CC2D2A: variants seen among roughly 807,000 people sequenced by gnomAD.
CC2D2A encodes the protein coiled-coil and C2 domain containing 2A.
A neutral mutation model predicts 212.9 loss-of-function variants in CC2D2A; 155 were observed. The ratio of observed to expected loss-of-function variants is 0.73; its 90% CI spans 0.64 to 0.83. CC2D2A has a LOEUF of 0.83. Among genes scored for constraint, CC2D2A ranks in the 40% least tolerant of loss-of-function variants. The pLI, the probability that CC2D2A is intolerant of heterozygous loss-of-function variation, is 0.00. For synonymous variants in CC2D2A, 667 were observed against 686.5 expected (o/e 0.97, Z 0.44); for missense variants, 1,856 against 1,956.2 (o/e 0.95, Z 0.97).
intron 11 of CC2D2A, among the ~76,000 whole-genome samples, chr4:15,524,659 G>C (rs1160072283): frequency 2.6e-5 from 4 of 151,210 alleles, no homozygotes; most frequent in Non-Finnish European, 5.9e-5. Context: ...CACCGTGTTA[G>C]CCAGGATGGT....
At chr4:15,592,611 TTTC>T (rs1221674599) in intron 33 of CC2D2A, among the ~76,000 whole-genome samples, 1 of 152,228 alleles carries the variant, frequency 6.6e-6, no homozygotes, top group Admixed American at 6.5e-5. Flanking sequence ...TCTGCAGTTG[TTTC>T]TTATGTTTCT....
At chr4:15,596,350 A>G in intron 34 of CC2D2A, 143 bp downstream of exon 34, 1 of 632,232 alleles carries the variant, frequency 1.6e-6, no homozygotes, top group Non-Finnish European at 2.4e-6. Context: ...ACAACAAGAA[A>G]CAGATATATA....
chr4:15,586,286 A>T lies in CC2D2A; in HGVS notation c.4065+40A>T, dbSNP rs771405537. ...TTCACAGATTTAGAAACTTGAGCTG[A>T]CTTAATGAAATATTAGCTAACTGAC... On this transcript the variant is annotated intron_variant, in intron 31 of 36. Transcript: ENST00000424120. The T allele has an allele frequency of 3.1e-6, 4 of 1,276,478 alleles. No individual in the cohort carries two copies. In the Admixed American group the frequency reaches 6.6e-5, roughly 21 times the overall value. The allele number at this position is 1,276,478 out of a possible 1,614,324, so 79.1% of individuals were successfully genotyped here.
chr4:15,586,740 G>A (rs1485697697), intron 31 of CC2D2A, among the ~76,000 whole-genome samples: 2 of 152,098 alleles, frequency 1.3e-5, no homozygotes, highest in Non-Finnish European at 2.9e-5. Context: ...TATGTATGCT[G>A]CATAATCTCT....
rs534758239 is a variant in CC2D2A, at chr4:15,537,576, G to A, written c.1765-323G>A. Among the ~76,000 whole-genome samples the A allele has an allele frequency of 1.4e-3, 207 of 152,182 alleles. 3 individuals carry two copies. The highest frequency in any genetic ancestry group is 4.7e-3 in the African/African-American group (196 of 41,518). On this transcript the variant is annotated intron_variant, in intron 15 of 36. Transcript: ENST00000424120. ...TTTAATATTTCAAGATGTGTACTTC[G>A]CCTTGAAAACCAAAATTAATGATCA...
intron 10 of CC2D2A, 43 bp from the exon 11 acceptor site, chr4:15,516,582 C>A: frequency 1.3e-6 from 2 of 1,580,098 alleles, no homozygotes; most frequent in South Asian, 2.3e-5. Flanking sequence ...ATTTTCTGTT[C>A]GATTAGAAGA....
At chr4:15,568,992 C>T (rs1720030971) in intron 26 of CC2D2A, among the ~76,000 whole-genome samples, 1 of 152,196 alleles carries the variant, frequency 6.6e-6, no homozygotes, top group Non-Finnish European at 1.5e-5. Context: ...ACTAAGCTAG[C>T]TCAGTCCTGG....
chr4:15,516,832 T>C (rs1716902672), intron 11 of CC2D2A, 76 bp downstream of exon 11: 1 of 1,399,616 alleles, frequency 7.1e-7, no homozygotes, highest in South Asian at 1.5e-5. Flanking sequence ...TGGGGTGCTA[T>C]ATTTATAACA....
intron 17 of CC2D2A, among the ~76,000 whole-genome samples, chr4:15,541,436 G>A (rs549715249): frequency 4.6e-5 from 7 of 152,094 alleles, no homozygotes; most frequent in Non-Finnish European, 1.0e-4. Context: ...TGTCTCGATA[G>A]AGTCTCAAGC....
At chr4:15,547,306 T>C (rs777290021) in intron 17 of CC2D2A, among the ~76,000 whole-genome samples, 7 of 152,252 alleles carry the variant, frequency 4.6e-5, no homozygotes, top group Non-Finnish European at 1.0e-4. Flanking sequence ...ATCATTTGTG[T>C]TGCAGACATT....
At chr4:15,524,447 A>ATTTTTTT (rs71179636) in intron 11 of CC2D2A, among the ~76,000 whole-genome samples, 3,402 of 89,688 alleles carry the variant, frequency 0.038, 156 homozygotes, top group East Asian at 0.18. Context: ...AAAATTTTTA[A>ATTTTTTT]TTTTTTTTTT....
chr4:15,514,354 A>C (rs1020412406), intron 8 of CC2D2A, among the ~76,000 whole-genome samples: 2 of 152,184 alleles, frequency 1.3e-5, no homozygotes, highest in African/African-American at 4.8e-5. Flanking sequence ...TGGAAGGTTA[A>C]ACTGCTACAT....
intron 28 of CC2D2A, among the ~76,000 whole-genome samples, chr4:15,572,744 G>A (rs1720225935): frequency 6.6e-6 from 1 of 152,022 alleles, no homozygotes; most frequent in Non-Finnish European, 1.5e-5. Context: ...ATCACAAGGT[G>A]AAGTCCCACA....
At chr4:15,560,905 C>T (rs775117524) in intron 23 of CC2D2A, among the ~76,000 whole-genome samples, 19 of 152,278 alleles carry the variant, frequency 1.2e-4, no homozygotes, top group Admixed American at 3.3e-4. Flanking sequence ...TTCTCATTCC[C>T]GTTGAACTAA....
In CC2D2A at chr4:15,579,875, C is replaced by A; in HGVS notation, c.3772-93C>A. On this transcript the variant is annotated intron_variant, in intron 29 of 36. Coordinates refer to ENST00000424120, the MANE Select transcript of CC2D2A (RefSeq NM_001378615.1). ...GTAAGGAGTCAGTCATATTCCCAAA[C>A]CATACATTTCCTGCATGTTGACTGT... is the stretch of plus-strand genomic sequence containing the variant. The A allele has an allele frequency of 4.1e-6, 4 of 978,276 alleles. 1 individual carries two copies. The South Asian group carries it at 5.8e-5, about 14-fold the overall frequency. 60.6% of individuals were successfully genotyped at this position (978,276 alleles called of 1,614,324 possible).
At chr4:15,526,349 G>A (rs1717510149) in intron 11 of CC2D2A, among the ~76,000 whole-genome samples, 1 of 152,168 alleles carries the variant, frequency 6.6e-6, no homozygotes, top group Non-Finnish European at 1.5e-5. Context: ...GAGATGTATA[G>A]TGACTTGCCC....
intron 4 of CC2D2A, among the ~76,000 whole-genome samples, chr4:15,485,645 G>A (rs1560144981): frequency 6.6e-6 from 1 of 151,960 alleles, no homozygotes; most frequent in Non-Finnish European, 1.5e-5. Flanking sequence ...CATCTGTTTT[G>A]TCTTTTTGAT....
At chr4:15,502,563 T>C in intron 5 of CC2D2A, 46 bp downstream of exon 5, 1 of 1,489,676 alleles carries the variant, frequency 6.7e-7, no homozygotes, top group Non-Finnish European at 9.2e-7. Context: ...GATTGCAATC[T>C]TCCAGGGCTT....
intron 32 of CC2D2A, among the ~76,000 whole-genome samples, chr4:15,589,065 G>C (rs1022449526): frequency 6.6e-6 from 1 of 151,752 alleles, no homozygotes; most frequent in Non-Finnish European, 1.5e-5. Context: ...CCCAGGTACA[G>C]TCATTCTTAA....
Sources: gnomAD v4.1 joint callset for allele counts (sites outside exome capture counted in the v4.1 genomes callset) on GRCh38, gnomAD v4.1.1 for gene constraint, MANE v1.5 for transcripts, NCBI Gene and HGNC (gene_info 2026-07-23, HGNC 2026-07-21) for gene names.